The following ATP10B variants were observed in gnomAD, a reference collection of about 807,000 sequenced individuals.
The protein encoded by ATP10B is phospholipid-transporting ATPase VB.
In ATP10B, 122 loss-of-function variants were observed where a neutral mutation model predicts 141.2. That is an observed-to-expected ratio of 0.86 (90% CI 0.75 to 1.00). The LOEUF (loss-of-function observed/expected upper bound fraction) is 1.00, where lower values mean the gene tolerates loss of function less well. Among genes scored for constraint, ATP10B ranks in the 50% least tolerant of loss-of-function variants. The pLI is 0.00. For synonymous variants in ATP10B, 685 were observed against 692.0 expected, an observed-to-expected ratio of 0.99 and a Z score of 0.16; for missense variants, 1,876 against 1,825.3, an observed-to-expected ratio of 1.03 and a Z score of -0.51.
chr5:160,649,300 C>A, intron 7 of ATP10B, 44 bp from the exon 8 acceptor site: 1 of 1,429,024 alleles, frequency 7.0e-7, no homozygotes, highest in African/African-American at 1.4e-5. Context: ...TCAGAGGGAT[C>A]TAGTTTTAAT....
rs1581589130 is a variant in ATP10B, at chr5:160,816,664, C to T, written c.-575-30861G>A. Reference sequence around the variant, plus strand: ...CTAACTCATTTTATGAGGCCAGCATCATCCTGATACCAAAGCCGGACAGAG... The same window carrying T: ...CTAACTCATTTTATGAGGCCAGCATTATCCTGATACCAAAGCCGGACAGAG... On this transcript the variant is annotated intron_variant, in intron 1 of 25. Transcript: ENST00000327245. 3.3e-5 allele frequency among the ~76,000 whole-genome samples: 5 copies of T among 152,308 alleles called. 1 individual carries two copies. Among genetic ancestry groups the T allele is most frequent in the Admixed American group, 3.3e-4 (5 of 15,300 alleles).
intron 21 of ATP10B, among the ~76,000 whole-genome samples, chr5:160,600,425 T>C (rs1561642575): frequency 6.6e-6 from 1 of 152,218 alleles, no homozygotes; most frequent in Non-Finnish European, 1.5e-5. Flanking sequence ...AGCTGAAATA[T>C]TTATTATCTA....
chr5:160,725,041 G>C lies in ATP10B; in HGVS notation c.-330-8007C>G, dbSNP rs369522579. ...GCCTAGAATAGTTCCTTGTATGTAG[G>C]AAACACTAAATAAATATCTGTTGAA... On this transcript the variant is annotated intron_variant, in intron 2 of 25. Coordinates refer to ENST00000327245, the MANE Select transcript of ATP10B (RefSeq NM_025153.3). 1.5e-4 allele frequency among the ~76,000 whole-genome samples: 23 copies of C among 152,056 alleles called. No homozygotes were observed. In the East Asian group the frequency reaches 2.1e-3, roughly 14 times the overall value.
intron 6 of ATP10B, among the ~76,000 whole-genome samples, chr5:160,676,278 G>A (rs1380649994): frequency 6.6e-6 from 1 of 152,148 alleles, no homozygotes; most frequent in African/African-American, 2.4e-5. Flanking sequence ...CAGAGGACAT[G>A]GAAGTCACAG....
chr5:160,668,017 G>A (rs1037786947), intron 7 of ATP10B, among the ~76,000 whole-genome samples: 1 of 152,084 alleles, frequency 6.6e-6, no homozygotes, highest in African/African-American at 2.4e-5. Context: ...ATCACTTCAG[G>A]TCAGGAGTTC....
At chr5:160,885,406 G>A in the ATP10B span, among the ~76,000 whole-genome samples, 6 of 152,212 alleles carry the variant, frequency 3.9e-5, no homozygotes, top group Non-Finnish European at 5.9e-5. Context: ...CTTCTCCCCA[G>A]ATGTATTTGC....
At chr5:160,802,530 A>G (rs932602990) in intron 1 of ATP10B, among the ~76,000 whole-genome samples, 2 of 152,224 alleles carry the variant, frequency 1.3e-5, no homozygotes, top group African/African-American at 4.8e-5. Context: ...GAATGCACAG[A>G]ACATTTCCCA....
At chr5:160,886,362 G>A in the ATP10B span, among the ~76,000 whole-genome samples, 134 of 152,280 alleles carry the variant, frequency 8.8e-4, 2 homozygotes, top group Admixed American at 1.8e-3. Context: ...CTGGAGAAAA[G>A]CATCTCGGGA....
chr5:160,926,464 C>T, the ATP10B span, among the ~76,000 whole-genome samples: 10,533 of 152,160 alleles, frequency 0.069, 464 homozygotes, highest in East Asian at 0.12. Context: ...AAGACTAGCG[C>T]AGGGAAATAG....
chr5:160,602,613 C>T lies in ATP10B; in HGVS notation c.3327G>A (p.Leu1109=). The T allele has an allele frequency of 6.2e-7, 1 of 1,614,008 alleles. No homozygotes were observed. The part of the protein sequence containing the change: ...LVHGHWCYSR[L]ARMVVYYLYK... Reference sequence around the variant, plus strand: ...AGAGGTAGTACACCACCATCCTGGCCAGGCGCGAGTAACACCAGTGGCCAT... The same window carrying T: ...AGAGGTAGTACACCACCATCCTGGCTAGGCGCGAGTAACACCAGTGGCCAT... Residue 1109 remains leucine (L), a synonymous_variant, in exon 21 of 26, where the codon CTG becomes CTA. Transcript: ENST00000327245.
At chr5:160,798,567 G>T (rs376759473) in intron 1 of ATP10B, among the ~76,000 whole-genome samples, 9 of 152,164 alleles carry the variant, frequency 5.9e-5, no homozygotes, top group South Asian at 2.1e-4. Flanking sequence ...AGCAAGAAAG[G>T]CTCCTCTCTC....
intron 6 of ATP10B, among the ~76,000 whole-genome samples, chr5:160,673,545 T>G (rs966952025): frequency 1.3e-4 from 20 of 152,210 alleles, no homozygotes; most frequent in Admixed American, 7.2e-4. Flanking sequence ...TTTTTTTTTT[T>G]TTTTTTGGTA....
chr5:160,791,402 AG>A (rs1276920803), intron 1 of ATP10B, among the ~76,000 whole-genome samples: 1 of 152,172 alleles, frequency 6.6e-6, no homozygotes, highest in Non-Finnish European at 1.5e-5. Context: ...TGTGCTCAGT[AG>A]GAATTGGTGT....
intron 24 of ATP10B, among the ~76,000 whole-genome samples, chr5:160,578,334 C>T (rs1755323650): frequency 6.6e-6 from 1 of 152,124 alleles, no homozygotes; most frequent in African/African-American, 2.4e-5. Context: ...CTAATGCTAT[C>T]CCTCCCCTAG....
chr5:160,813,737 AG>A lies in ATP10B; in HGVS notation c.-575-27935del, dbSNP rs536082528. On this transcript the variant is annotated intron_variant, in intron 1 of 25. Transcript: ENST00000327245. ...GCCTAACTTGGAAGCACCCCCCAGT[AG>A]GGGCAGACTGACACCTCACACGGCA... Among the ~76,000 whole-genome samples, 179 of 152,330 alleles carry A rather than the reference AG, an allele frequency of 1.2e-3. 1 individual carries two copies. The highest frequency in any genetic ancestry group is 3.9e-3 in the African/African-American group (164 of 41,574).
intron 2 of ATP10B, among the ~76,000 whole-genome samples, chr5:160,740,939 G>A (rs888148059): frequency 6.6e-6 from 1 of 152,148 alleles, no homozygotes; most frequent in Non-Finnish European, 1.5e-5. Context: ...CCATCTCAAT[G>A]GGACTTTGTA....
intron 3 of ATP10B, among the ~76,000 whole-genome samples, chr5:160,704,914 C>CTTTTTTTTT (rs1170629163): frequency 0.02 from 1,640 of 83,556 alleles, 135 homozygotes; most frequent in African/African-American, 0.062. Context: ...TTTCTTTCAT[C>CTTTTTTTTT]TTTTTTTTTT....
chr5:160,671,366 A>G (rs1166637722), intron 6 of ATP10B, among the ~76,000 whole-genome samples: 1 of 152,178 alleles, frequency 6.6e-6, no homozygotes, highest in Non-Finnish European at 1.5e-5. Flanking sequence ...ACTATTTACC[A>G]GAATAGCCAG....
the ATP10B span, among the ~76,000 whole-genome samples, chr5:160,915,924 A>G: frequency 6.6e-6 from 1 of 152,248 alleles, no homozygotes; most frequent in Non-Finnish European, 1.5e-5. Flanking sequence ...ATACCAGCAT[A>G]CTGTAAAAAT....
Sources: allele counts gnomAD v4.1 joint callset (sites outside exome capture counted in the v4.1 genomes callset), GRCh38; gene constraint gnomAD v4.1.1; transcripts MANE v1.5; gene names NCBI Gene and HGNC (gene_info 2026-07-23, HGNC 2026-07-21).